Variants in TLE3 observed in about 807,000 individuals in gnomAD.
The protein encoded by TLE3 is TLE family member 3, transcriptional corepressor, also known as transducin-like enhancer protein 3.
TLE3 carries 14 observed loss-of-function variants against 93.0 expected under a neutral mutation model. The ratio of observed to expected loss-of-function variants is 0.15; its 90% confidence interval spans 0.10 to 0.24. The LOEUF is 0.24. TLE3 is among the 10% of genes least tolerant of loss of function. The pLI, the probability that TLE3 is intolerant of heterozygous loss-of-function variation, is 1.00. For synonymous variants in TLE3, 451 were observed against 425.0 expected, an observed-to-expected ratio of 1.06 and a Z score of -0.75; for missense variants, 693 against 1,046.6, an observed-to-expected ratio of 0.66 and a Z score of 4.66.
rs529228291 is a variant in TLE3 at position 70,062,798 on chromosome 15, C to T, written c.594+1656G>A. Among the ~76,000 whole-genome samples the T allele has an allele frequency of 3.1e-3, 470 of 152,316 alleles. 2 individuals are homozygous for T. The highest frequency in any genetic ancestry group is 3.1e-3 in the Non-Finnish European group (214 of 68,032). ...CACCGTCACCACGCCACATGCCATG[C>T]GCACAGCCTCGGCCCTGCCCACTGC... On this transcript the variant is annotated intron_variant, in intron 8 of 19. Coordinates refer to ENST00000451782, the MANE Select transcript of TLE3 (RefSeq NM_001105192.3).
intron 6 of TLE3, 108 bp downstream of exon 6, chr15:70,074,425 G>A (rs966576423): frequency 8.7e-5 from 119 of 1,374,176 alleles, no homozygotes; most frequent in Non-Finnish European, 1.1e-4. Flanking sequence ...CCCTGGGGCC[G>A]CCATTCTTTG....
chr15:70,065,955 C>T, intron 7 of TLE3, 59 bp downstream of exon 7: 1 of 1,488,496 alleles, frequency 6.7e-7, no homozygotes, highest in Non-Finnish European at 9.2e-7. Context: ...ACTGTGAGGC[C>T]TATGAGCGCC....
rs769435883 is a variant in TLE3 at position 70,096,868 on chromosome 15, G to A, written c.-70C>T. On this transcript the variant is annotated 5_prime_UTR_variant, in exon 1 of 20. Transcript: ENST00000451782. ...CCCGGGCCGGGGAGGTGCGGGGGAG[G>A]GGGGAGCCGAGCCCGAGCGGGGGGC... 1.7e-5 allele frequency: 26 copies of A among 1,571,716 alleles called. No individual in the cohort carries two copies. The highest frequency in any genetic ancestry group is 4.6e-5 in the East Asian group (2 of 43,392).
chr15:70,084,491 T>C (rs1266346214), intron 4 of TLE3, among the ~76,000 whole-genome samples: 1 of 152,258 alleles, frequency 6.6e-6, no homozygotes, highest in African/African-American at 2.4e-5. Flanking sequence ...AGGTTTCATC[T>C]GGTTTCTTCC....
chr15:70,078,104 C>G (rs2057541338), intron 4 of TLE3, among the ~76,000 whole-genome samples: 3 of 152,228 alleles, frequency 2.0e-5, no homozygotes, highest in Admixed American at 2.0e-4. Flanking sequence ...CATTCATACT[C>G]TAAGGAACCC....
At chr15:70,091,672 CAG>C (rs923928614) in intron 4 of TLE3, among the ~76,000 whole-genome samples, 1 of 152,194 alleles carries the variant, frequency 6.6e-6, no homozygotes, top group African/African-American at 2.4e-5. Flanking sequence ...AAGAGAGAGA[CAG>C]AGAAACAGCC....
At chr15:70,096,390 T>C in intron 1 of TLE3, 129 bp from the exon 2 acceptor site, 1 of 1,457,186 alleles carries the variant, frequency 6.9e-7, no homozygotes, top group Non-Finnish European at 9.1e-7. Context: ...TCCCAGCAAG[T>C]TTCTCAGCTC....
intron 4 of TLE3, among the ~76,000 whole-genome samples, chr15:70,078,431 T>C (rs192866651): frequency 1.3e-5 from 2 of 152,368 alleles, no homozygotes; most frequent in Admixed American, 1.3e-4. Context: ...CCTTACTGTT[T>C]AGGAAGCTCA....
intron 7 of TLE3, 45 bp downstream of exon 7, chr15:70,065,969 G>T: frequency 7.7e-7 from 1 of 1,294,394 alleles, no homozygotes; most frequent in African/African-American, 1.4e-5. Context: ...GAGCGCCCAT[G>T]CCCACCCCTG....
At position 70,066,002 on chromosome 15, in the gene TLE3, G is replaced by GGCCCCCCCCCCCCCCC; in HGVS notation, c.577+11_577+12insGGGGGGGGGGGGGGGC. 2 of 766,122 alleles carry GGCCCCCCCCCCCCCCC rather than the reference G, an allele frequency of 2.6e-6. No individual in the cohort carries two copies. The highest frequency in any genetic ancestry group is 1.9e-5 in the Admixed American group (1 of 51,910). The allele number at this position is 766,122 out of a possible 1,614,324, so 47.5% of individuals were successfully genotyped here. The stretch of plus-strand genomic sequence containing the variant: ...CTGCCCCGCCCCACCCTCTGCCCCA[G>GGCCCCCCCCCCCCCCC]CCCAGCCGCACCTCTGTGATCGAGT... On this transcript the variant is annotated intron_variant, in intron 7 of 19. Coordinates refer to ENST00000451782, the MANE Select transcript of TLE3 (RefSeq NM_001105192.3).
intron 4 of TLE3, 40 bp downstream of exon 4, chr15:70,094,492 T>TG (rs1309145105): frequency 6.7e-7 from 1 of 1,482,510 alleles, no homozygotes; most frequent in Admixed American, 2.4e-5. Context: ...TATAAGTTTT[T>TG]AAAAAATGAA....
intron 6 of TLE3, among the ~76,000 whole-genome samples, chr15:70,068,752 T>C (rs1319466119): frequency 3.3e-5 from 5 of 152,204 alleles, no homozygotes; most frequent in African/African-American, 4.8e-5. Flanking sequence ...ACCCTGACTC[T>C]TATCTTACCA....
chr15:70,057,982 G>C (rs1048754634), intron 12 of TLE3, 177 bp downstream of exon 12: 3 of 1,041,258 alleles, frequency 2.9e-6, no homozygotes, highest in African/African-American at 3.2e-5. Context: ...GCCCAGCAGG[G>C]GTCCCAGAAA....
At chr15:70,079,700 G>C (rs2057663739) in intron 4 of TLE3, among the ~76,000 whole-genome samples, 2 of 152,066 alleles carry the variant, frequency 1.3e-5, no homozygotes, top group East Asian at 2.0e-4. Flanking sequence ...GTGGCGCTTG[G>C]GGGAGGGGAA....
chr15:70,065,983 C>CCCCCCCCCCCCCG, intron 7 of TLE3, 31 bp downstream of exon 7: 8 of 1,466,180 alleles, frequency 5.5e-6, no homozygotes, highest in Non-Finnish European at 6.7e-6. Context: ...ACCCCTGCCC[C>CCCCCCCCCCCCCG]GCCCCACCCT....
In TLE3 at chr15:70,058,288, C is replaced by T. The variant is rs1441678400; in HGVS notation, c.922G>A (p.Asp308Asn). ...TTGAGCCCAGGGGTGGAGGATTTGT[C>T]GTTCTGAAGAGGGGAGATGCAGAAC... Reference protein sequence around the residue: ...SSKTKDLGHNDKSSTPGLKSN... With the variant: ...SSKTKDLGHNNKSSTPGLKSN... Residue 308 changes from aspartate to asparagine, a missense_variant, in exon 12 of 20, where the codon GAC becomes AAC. Around this residue, in one of 4 missense-constraint regions of TLE3, gnomAD observed 405 missense variants for 468.9 expected, o/e 0.86. Coordinates refer to ENST00000451782, the MANE Select transcript of TLE3 (RefSeq NM_001105192.3). This position sits in a 1 kb window ranked among gnomAD's most constrained non-coding sequence, Gnocchi z 4.1. The T allele has an allele frequency of 2.5e-6, 4 of 1,604,272 alleles. No homozygotes were observed. The highest frequency in any genetic ancestry group is 3.4e-5 in the Admixed American group (2 of 59,228).
intron 4 of TLE3, among the ~76,000 whole-genome samples, chr15:70,090,452 T>C (rs2058254928): frequency 6.6e-6 from 1 of 152,214 alleles, no homozygotes; most frequent in South Asian, 2.1e-4. Context: ...CCTATCAAGA[T>C]AGGCTCAACT....
At chr15:70,065,959 G>A (rs1245135659) in intron 7 of TLE3, 55 bp downstream of exon 7, 2 of 1,483,462 alleles carry the variant, frequency 1.3e-6, no homozygotes. Context: ...TGAGGCCTAT[G>A]AGCGCCCATG....
At chr15:70,088,871 GGCCCCC>G (rs1242707362) in intron 4 of TLE3, among the ~76,000 whole-genome samples, 1 of 152,134 alleles carries the variant, frequency 6.6e-6, no homozygotes, top group Non-Finnish European at 1.5e-5. Context: ...GCCCAGAGCG[GGCCCCC>G]GCCCCCGCCC....
Sources: allele counts gnomAD v4.1 joint callset (sites outside exome capture counted in the v4.1 genomes callset), GRCh38; gene constraint gnomAD v4.1.1; regional missense constraint gnomAD v4.1.1; non-coding constraint Gnocchi (gnomAD v3.1); transcripts MANE v1.5; gene names NCBI Gene and HGNC (gene_info 2026-07-23, HGNC 2026-07-21).